The following YIPF2 variants were observed in gnomAD, a reference collection of about 807,000 sequenced individuals.
The protein encoded by YIPF2 is protein YIPF2.
A neutral mutation model predicts 38.8 loss-of-function variants in YIPF2; 30 were observed. The observed-to-expected ratio is 0.77, with a 90% CI of 0.58 to 1.05. The LOEUF (loss-of-function observed/expected upper bound fraction) is 1.05. Among genes scored for constraint, YIPF2 ranks in the 50% least tolerant of loss-of-function variants. YIPF2 has a pLI of 0.00. For synonymous variants in YIPF2, 194 were observed against 183.8 expected (o/e 1.06, Z -0.45); for missense variants, 401 against 409.7 (o/e 0.98, Z 0.18).
In YIPF2 at chr19:10,928,581, T is replaced by C. The variant is rs2083463663; in HGVS notation, c.-101A>G. 2 of 1,015,308 alleles carry C rather than the reference T, an allele frequency of 2.0e-6. No homozygotes were observed. Among genetic ancestry groups the C allele is most frequent in the Admixed American group, 3.8e-5 (1 of 26,156 alleles). 62.9% of individuals were successfully genotyped at this position (1,015,308 alleles called of 1,614,324 possible). On this transcript the variant is annotated 5_prime_UTR_variant, in exon 1 of 10. Transcript: ENST00000586748. Reference sequence around the variant, plus strand: ...CCCCACAGGTGCGCTCCGCCCCCCCTCACCTGAGGCCACCTGGGCCGGCGT... The same window carrying C: ...CCCCACAGGTGCGCTCCGCCCCCCCCCACCTGAGGCCACCTGGGCCGGCGT...
In YIPF2 at chr19:10,927,830, T is replaced by A. The variant is rs763443041; in HGVS notation, c.161A>T (p.Asp54Val). 121 of 1,609,268 alleles carry A rather than the reference T, an allele frequency of 7.5e-5. No homozygotes were observed. Among genetic ancestry groups the A allele is most frequent in the Non-Finnish European group, 1.0e-4 (120 of 1,176,954 alleles). Residue 54 changes from aspartate to valine, a missense_variant, in exon 3 of 10, where the codon GAT becomes GTT. Physicochemically the swap from Asp to Val is radical, Grantham distance 152 (BLOSUM62 -3). Coordinates refer to ENST00000586748, the MANE Select transcript of YIPF2 (RefSeq NM_001321439.2). ...VGSGGSYGAE[D>V]EVEEESDKAA... Reference sequence around the variant, plus strand: ...CTTGTCACTCTCCTCCTCCACCTCATCCTCGGCTCCATAGCTGCCACCTGA... The same window carrying A: ...CTTGTCACTCTCCTCCTCCACCTCAACCTCGGCTCCATAGCTGCCACCTGA...
Position 10,922,950 on chromosome 19 carries a change from C to CG in YIPF2, c.*243dup, listed in dbSNP as rs2074284274. ...GCCATAGGAGGGAAAGCAGGTGGCC[C>CG]GGGGGGGATATGGGGGCCCCAGCCC... On this transcript the variant is annotated 3_prime_UTR_variant, in exon 10 of 10. Transcript: ENST00000586748. 5 of 210,464 alleles carry CG rather than the reference C, an allele frequency of 2.4e-5. No homozygotes were observed. Among genetic ancestry groups the CG allele is most frequent in the East Asian group, 3.2e-4 (2 of 6,208 alleles). The allele number at this position is 210,464 out of a possible 1,614,324, so 13.0% of individuals were successfully genotyped here. A position where few individuals can be genotyped will look rare whatever the true frequency, so the allele number is the denominator to read the frequency against.
rs2033738792 is a variant in YIPF2 at position 10,923,053 on chromosome 19, A to T, written c.*141T>A. 2.1e-6 allele frequency: 1 copy of T among 483,870 alleles called. No individual in the cohort carries two copies. Among genetic ancestry groups the T allele is most frequent in the Non-Finnish European group, 3.6e-6 (1 of 276,562 alleles). The allele number at this position is 483,870 out of a possible 1,614,324, so 30.0% of individuals were successfully genotyped here. A position where few individuals can be genotyped will look rare whatever the true frequency, so the allele number is the denominator to read the frequency against. ...CTGAATCACCTTTGCATAGAAAATA[A>T]AAGTGTTTGCTTTGTAAGAAAAGTC... On this transcript the variant is annotated 3_prime_UTR_variant, in exon 10 of 10. Transcript: ENST00000586748.
chr19:10,928,531 C>A lies in YIPF2; in HGVS notation c.-51G>T, dbSNP rs1751031391. 7.9e-7 allele frequency: 1 copy of A among 1,268,676 alleles called. No individual in the cohort carries two copies. Among genetic ancestry groups the A allele is most frequent in the Non-Finnish European group, 1.0e-6 (1 of 977,750 alleles). 78.6% of individuals were successfully genotyped at this position (1,268,676 alleles called of 1,614,324 possible). A position where few individuals can be genotyped will look rare whatever the true frequency, so the allele number is the denominator to read the frequency against. On this transcript the variant is annotated 5_prime_UTR_variant, in exon 1 of 10. Transcript: ENST00000586748. ...CCTACCTGGCGACCAACTGCACCCA[C>A]GGAGGCTTGAACTCGTCGTCCCGTC...
At position 10,923,611 on chromosome 19, in the gene YIPF2, C is replaced by T. The variant is rs764439542; in HGVS notation, c.718G>A (p.Ala240Thr). 2.0e-5 allele frequency: 32 copies of T among 1,613,022 alleles called. No individual in the cohort carries two copies. In the South Asian group the frequency reaches 2.2e-4, roughly 11 times the overall value. The change falls in exon 8 of 10, where the codon GCC becomes ACC. Residue 240 changes from alanine (A) to threonine (T), a missense_variant. Coordinates refer to ENST00000586748, the MANE Select transcript of YIPF2 (RefSeq NM_001321439.2). ...LFGALALGLS[A>T]AGLVFTLWPV... ...CAGAGGGTGAATACCAGCCCGGCGG[C>T]TGACAGGCCCAGGGCCAGCGCCCCA...
intron 5 of YIPF2, among the ~76,000 whole-genome samples, chr19:10,924,563 C>T (rs2083389053): frequency 6.6e-6 from 1 of 152,126 alleles, no homozygotes; most frequent in Admixed American, 6.5e-5. Flanking sequence ...GGCCTTATGC[C>T]TCCTCTAGAG....
At chr19:10,923,717 C>A (rs2074310314) in intron 7 of YIPF2, 40 bp from the exon 8 acceptor site, 1 of 1,581,576 alleles carries the variant, frequency 6.3e-7, no homozygotes, top group South Asian at 1.2e-5. Flanking sequence ...GCCAGTCCCC[C>A]CAGCCACCAC....
intron 4 of YIPF2, among the ~76,000 whole-genome samples, chr19:10,926,560 C>T (rs900234100): frequency 3.3e-5 from 5 of 151,712 alleles, no homozygotes; most frequent in Non-Finnish European, 7.4e-5. Context: ...GACAGAGTCT[C>T]ACTCTGTTCA....
chr19:10,928,342 G>A, intron 2 of YIPF2, 38 bp downstream of exon 2: 2 of 1,330,842 alleles, frequency 1.5e-6, no homozygotes, highest in Middle Eastern at 3.9e-4. Flanking sequence ...GGCCCGGGGC[G>A]GGAGTGGGAG....
At position 10,925,736 on chromosome 19, in the gene YIPF2, G is replaced by A; in HGVS notation, c.317C>T (p.Pro106Leu). 3 of 1,613,960 alleles carry A rather than the reference G, an allele frequency of 1.9e-6. No homozygotes were observed. The highest frequency in any genetic ancestry group is 2.2e-5 in the South Asian group (2 of 91,084). Residue 106 changes from proline (P) to leucine (L), a missense_variant, in exon 5 of 10, where the codon CCT (proline) becomes CTT (leucine). Pro to Leu is a moderately conservative substitution (Grantham distance 98). Coordinates refer to ENST00000586748, the MANE Select transcript of YIPF2 (RefSeq NM_001321439.2). ...DRIKGSLLPR[P>L]GHNFVRHHLR... ...ATGGTGCCGCACAAAGTTGTGGCCA[G>A]GCCGGGGCAGCAGTGAGCCTTTGAT...
In YIPF2 at chr19:10,925,434, C is replaced by T. The variant is rs1456030440; in HGVS notation, c.367+252G>A. Among the ~76,000 whole-genome samples, 9 of 152,156 alleles carry T rather than the reference C, an allele frequency of 5.9e-5. No individual in the cohort carries two copies. The South Asian group carries it at 1.0e-3, about 18-fold the overall frequency. On this transcript the variant is annotated intron_variant, in intron 5 of 9. Coordinates refer to ENST00000586748, the MANE Select transcript of YIPF2 (RefSeq NM_001321439.2). ...CCCACCCCTCCTGTTGCCAACAAGG[C>T]TCATTCCCTCACCCTCCTCAGGGAG... is the stretch of plus-strand genomic sequence containing the variant.
Position 10,927,622 on chromosome 19 carries a change from A to G in YIPF2, c.279+8T>C. ...TGAGCCCCATCCCACCTGCCTCCCCAGCCTGACCTGTGAGGTGTCCACGTC... is the reference window on the plus strand; with the variant it reads ...TGAGCCCCATCCCACCTGCCTCCCCGGCCTGACCTGTGAGGTGTCCACGTC... On this transcript the variant is annotated splice_region_variant and intron_variant, in intron 4 of 9. Transcript: ENST00000586748. 3.1e-6 allele frequency: 5 copies of G among 1,613,502 alleles called. No homozygotes were observed. The highest frequency in any genetic ancestry group is 4.2e-6 in the Non-Finnish European group (5 of 1,179,818).
In YIPF2 at chr19:10,923,283, G is replaced by A. The variant is rs752446208; in HGVS notation, c.*8C>T. On this transcript the variant is annotated 3_prime_UTR_variant, in exon 9 of 10. Transcript: ENST00000586748. The stretch of plus-strand genomic sequence containing the variant: ...GGAATAGTCCTTACCTGTGGGACCC[G>A]GGCCTTCCTAGGAGGGGGCCAGGGA... The A allele has an allele frequency of 3.2e-5, 51 of 1,604,642 alleles. No individual in the cohort carries two copies. Among genetic ancestry groups the A allele is most frequent in the Middle Eastern group, 1.7e-4 (1 of 5,994 alleles).
chr19:10,923,690 C>T lies in YIPF2; in HGVS notation c.652-13G>A, dbSNP rs376975812. 1.8e-5 allele frequency: 28 copies of T among 1,597,456 alleles called. No homozygotes were observed. The African/African-American group carries it at 1.9e-4, about 11-fold the overall frequency. On this transcript the variant is annotated splice_polypyrimidine_tract_variant and intron_variant, in intron 7 of 9. Transcript: ENST00000586748. Reference sequence around the variant, plus strand: ...TGAGCCACAGGACCTGGGAGCAACACGGCGGCAGGTGACCATGCCAGTCCC... The same window carrying T: ...TGAGCCACAGGACCTGGGAGCAACATGGCGGCAGGTGACCATGCCAGTCCC...
Position 10,923,836 on chromosome 19 carries a change from C to T in YIPF2, c.648G>A (p.Met216Ile), listed in dbSNP as rs1775070689. 1 of 1,612,390 alleles carries T rather than the reference C, an allele frequency of 6.2e-7. No individual in the cohort carries two copies. The highest frequency in any genetic ancestry group is 8.5e-7 in the Non-Finnish European group (1 of 1,179,224). Reference sequence around the variant, plus strand: ...CTCCGCGCCAGGCCACACTCACCACCATGGGGATGAAGACAAAGAGGGAGT... The same window carrying T: ...CTCCGCGCCAGGCCACACTCACCACTATGGGGATGAAGACAAAGAGGGAGT... ...YGYSLFVFIP[M>I]VVLWLIPVPW... is the part of the protein sequence containing the mutation. The change falls in exon 7 of 10, where the codon ATG becomes ATA. Residue 216 changes from methionine to isoleucine, a missense_variant. Coordinates refer to ENST00000586748, the MANE Select transcript of YIPF2 (RefSeq NM_001321439.2).
At position 10,925,762 on chromosome 19, in the gene YIPF2, C is replaced by A. The variant is rs2083413746; in HGVS notation, c.291G>T (p.Arg97=). The A allele has an allele frequency of 1.9e-6, 3 of 1,613,730 alleles. No homozygotes were observed. The African/African-American group carries it at 4.0e-5, about 22-fold the overall frequency. ...GCCGGGGCAGCAGTGAGCCTTTGAT[C>A]CGGTCCAGGACCTGGGGGCAAGGCC... The part of the protein sequence containing the change: ...FDVDTSQVLD[R]IKGSLLPRPG... Residue 97 remains arginine, a synonymous_variant, in exon 5 of 10, where the codon CGG becomes CGT. Transcript: ENST00000586748.
Position 10,927,807 on chromosome 19 carries a change from T to C in YIPF2, c.184A>G (p.Lys62Glu), listed in dbSNP as rs371411035. ...AEDEVEEESD[K>E]AALLQEQQQQ... Reference sequence around the variant, plus strand: ...AGGACACAGGGACTCACCGCGGCCTTGTCACTCTCCTCCTCCACCTCATCC... The same window carrying C: ...AGGACACAGGGACTCACCGCGGCCTCGTCACTCTCCTCCTCCACCTCATCC... The change falls in exon 3 of 10, where the codon AAG becomes GAG. Residue 62 changes from lysine (K) to glutamate (E), a missense_variant. By Grantham distance (56) the Lys-to-Glu change is moderately conservative. Coordinates refer to ENST00000586748, the MANE Select transcript of YIPF2 (RefSeq NM_001321439.2). 3.1e-6 allele frequency: 5 copies of C among 1,607,018 alleles called. No homozygotes were observed. Among genetic ancestry groups the C allele is most frequent in the Non-Finnish European group, 4.3e-6 (5 of 1,175,822 alleles).
intron 5 of YIPF2, among the ~76,000 whole-genome samples, chr19:10,924,622 T>A (rs1000310241): frequency 3.3e-5 from 5 of 151,994 alleles, no homozygotes; most frequent in African/African-American, 1.2e-4. Context: ...AGCTCCCGGG[T>A]GGGCATCTCC....
At chr19:10,923,718 CA>C in intron 7 of YIPF2, 41 bp from the exon 8 acceptor site, 1 of 1,581,908 alleles carries the variant, frequency 6.3e-7, no homozygotes, top group Non-Finnish European at 8.6e-7. Context: ...CCAGTCCCCC[CA>C]GCCACCACCC....
Sources: allele counts gnomAD v4.1 joint callset (sites outside exome capture counted in the v4.1 genomes callset), GRCh38; gene constraint gnomAD v4.1.1; transcripts MANE v1.5; gene names NCBI Gene and HGNC (gene_info 2026-07-23, HGNC 2026-07-21).